Variants in VTCN1 observed in about 807,000 individuals in gnomAD.
The protein encoded by VTCN1 is V-set domain-containing T-cell activation inhibitor 1.
VTCN1 carries 26 observed loss-of-function variants against 26.5 expected under a neutral mutation model. The observed-to-expected ratio is 0.98, with a 90% CI of 0.72 to 1.36. The LOEUF (loss-of-function observed/expected upper bound fraction) is 1.36. Among genes scored for constraint, VTCN1 ranks in the 40% most tolerant of loss-of-function variants. The probability of loss-of-function intolerance (pLI) is 0.00; values close to 1 mark genes in which losing one functional copy is unlikely to be tolerated. For missense variants in VTCN1, 298 were observed against 337.7 expected (o/e 0.88, Z 0.92); for synonymous variants, 116 against 130.7 (o/e 0.89, Z 0.77).
intron 1 of VTCN1, among the ~76,000 whole-genome samples, chr1:117,187,874 G>A (rs1648026131): frequency 6.6e-6 from 1 of 151,676 alleles, no homozygotes; most frequent in African/African-American, 2.4e-5. Flanking sequence ...ATGAAAAAAA[G>A]AAAAGAAAAA....
intron 1 of VTCN1, among the ~76,000 whole-genome samples, chr1:117,204,040 A>G (rs922283306): frequency 3.3e-5 from 5 of 152,202 alleles, no homozygotes; most frequent in Admixed American, 2.0e-4. Context: ...CAAGGACTAG[A>G]AAGACGATGT....
At chr1:117,187,584 A>C (rs1648011375) in intron 1 of VTCN1, among the ~76,000 whole-genome samples, 1 of 152,186 alleles carries the variant, frequency 6.6e-6, no homozygotes, top group Admixed American at 6.5e-5. Context: ...CTGTGTCCTC[A>C]TTATACCAGA....
intron 1 of VTCN1, among the ~76,000 whole-genome samples, chr1:117,206,840 A>G (rs554558616): frequency 2.6e-5 from 4 of 152,178 alleles, no homozygotes; most frequent in Non-Finnish European, 5.9e-5. Flanking sequence ...TCTACCCTCA[A>G]TAGGAGCAGG....
chr1:117,170,086 G>A, intron 2 of VTCN1, 21 bp downstream of exon 2: 2 of 1,607,024 alleles, frequency 1.2e-6, no homozygotes, highest in Admixed American at 1.7e-5. Flanking sequence ...ATAGATTGTA[G>A]TAATGCAAGA....
chr1:117,189,993 T>C (rs1189445016), intron 1 of VTCN1, among the ~76,000 whole-genome samples: 1 of 152,206 alleles, frequency 6.6e-6, no homozygotes, highest in Non-Finnish European at 1.5e-5. Flanking sequence ...TGGATTCAGC[T>C]ACAACCCCAT....
intron 2 of VTCN1, among the ~76,000 whole-genome samples, chr1:117,166,350 C>A (rs967374854): frequency 6.6e-6 from 1 of 152,028 alleles, no homozygotes; most frequent in Non-Finnish European, 1.5e-5. Flanking sequence ...AGCCAGTGAG[C>A]CTTAGGTCCA....
intron 1 of VTCN1, among the ~76,000 whole-genome samples, chr1:117,179,003 C>G (rs1647539123): frequency 6.6e-6 from 1 of 152,164 alleles, no homozygotes; most frequent in Non-Finnish European, 1.5e-5. Flanking sequence ...ACGGGAATCT[C>G]AGGCTAATTT....
intron 1 of VTCN1, among the ~76,000 whole-genome samples, chr1:117,203,325 T>C (rs10754340): frequency 1 from 151,339 of 152,084 alleles, 75,303 homozygotes; most frequent in East Asian, 1. Context: ...GTGGAGGTGC[T>C]GAGAAAACAC....
intron 1 of VTCN1, among the ~76,000 whole-genome samples, chr1:117,204,645 T>TC (rs1648951987): frequency 6.6e-6 from 1 of 151,986 alleles, no homozygotes; most frequent in Non-Finnish European, 1.5e-5. Context: ...GGTGGGTGGA[T>TC]CATGAGGTCA....
Position 117,145,149 on chromosome 1 carries a change from C to A in VTCN1, c.*122G>T, listed in dbSNP as rs1327568156. ...CTTGCTCTTGTTTGCTCACTCCAGA[C>A]TTCTAGATATGAATTCATTTCCTCC... On this transcript the variant is annotated 3_prime_UTR_variant, in exon 6 of 6. Transcript: ENST00000369458. The surrounding 1 kb of genome is among the most constrained non-coding windows in gnomAD (Gnocchi z 4.6). The A allele has an allele frequency of 6.6e-6, 1 of 152,308 alleles. No individual in the cohort carries two copies. Among genetic ancestry groups the A allele is most frequent in the East Asian group, 1.9e-4 (1 of 5,198 alleles). The allele number at this position is 152,308 out of a possible 1,614,324, so 9.4% of individuals were successfully genotyped here. A position where few individuals can be genotyped will look rare whatever the true frequency, so the allele number is the denominator to read the frequency against.
intron 1 of VTCN1, among the ~76,000 whole-genome samples, chr1:117,180,652 G>T (rs934279363): frequency 6.6e-6 from 1 of 152,240 alleles, no homozygotes; most frequent in Non-Finnish European, 1.5e-5. Flanking sequence ...GGTTAAGAGA[G>T]ATTGCAGGGG....
At chr1:117,198,527 C>A (rs1570989304) in intron 1 of VTCN1, among the ~76,000 whole-genome samples, 1 of 152,216 alleles carries the variant, frequency 6.6e-6, no homozygotes. Flanking sequence ...CCAGTGGCTG[C>A]AGAAAAATTA....
rs1457002763 is a variant in VTCN1 at position 117,145,871 on chromosome 1, C to G, written c.*46-646G>C. ...TTGGTTTTAAACTCCTGGGCTCAAG[C>G]AGTCCTCCCATCTTGGCCTCTCAAA... On this transcript the variant is annotated intron_variant, in intron 5 of 5. Coordinates refer to ENST00000369458, the MANE Select transcript of VTCN1 (RefSeq NM_024626.4). This position sits in a 1 kb window ranked among gnomAD's most constrained non-coding sequence, Gnocchi z 4.6. 6.6e-6 allele frequency among the ~76,000 whole-genome samples: 1 copy of G among 152,158 alleles called. No homozygotes were observed. The highest frequency in any genetic ancestry group is 2.4e-5 in the African/African-American group (1 of 41,440).
chr1:117,194,452 A>T (rs1013976688), intron 1 of VTCN1, among the ~76,000 whole-genome samples: 2 of 152,232 alleles, frequency 1.3e-5, no homozygotes, highest in Non-Finnish European at 2.9e-5. Context: ...ATTGTGGAAA[A>T]CAGTATGAAG....
intron 1 of VTCN1, among the ~76,000 whole-genome samples, chr1:117,208,513 G>T (rs1158524889): frequency 6.6e-6 from 1 of 152,162 alleles, no homozygotes; most frequent in African/African-American, 2.4e-5. Flanking sequence ...CAGCATCTTA[G>T]TCACTTTTGC....
At chr1:117,170,053 A>C in intron 2 of VTCN1, 54 bp downstream of exon 2, 2 of 1,516,184 alleles carry the variant, frequency 1.3e-6, no homozygotes, top group Non-Finnish European at 1.8e-6. Context: ...CTGAGTGATT[A>C]GGAGTTTAAT....
chr1:117,197,198 C>T (rs886662168), intron 1 of VTCN1, among the ~76,000 whole-genome samples: 1 of 152,018 alleles, frequency 6.6e-6, no homozygotes, highest in Non-Finnish European at 1.5e-5. Context: ...TCGCTAAGCC[C>T]ATAAAAGTCA....
rs746048769 is a variant in VTCN1 at position 117,159,386 on chromosome 1, C to T, written c.98-2465G>A. Among the ~76,000 whole-genome samples, 35 of 152,228 alleles carry T rather than the reference C, an allele frequency of 2.3e-4. No individual in the cohort carries two copies. Among genetic ancestry groups the T allele is most frequent in the Non-Finnish European group, 4.3e-4 (29 of 68,036 alleles). ...GAGAAAGATGCAAAAGCAGAAACCC[C>T]TGATAAAACCATAAGATCTTGTGAG... On this transcript the variant is annotated intron_variant, in intron 2 of 5. Coordinates refer to ENST00000369458, the MANE Select transcript of VTCN1 (RefSeq NM_024626.4). The surrounding 1 kb of genome is among the most constrained non-coding windows in gnomAD (Gnocchi z 4.7).
rs1028769203 is a variant in VTCN1, at chr1:117,161,025, G to A, written c.98-4104C>T. 6.6e-5 allele frequency among the ~76,000 whole-genome samples: 10 copies of A among 152,292 alleles called. No homozygotes were observed. The highest frequency in any genetic ancestry group is 3.4e-3 in the Middle Eastern group (1 of 294). On this transcript the variant is annotated intron_variant, in intron 2 of 5. Transcript: ENST00000369458. The surrounding 1 kb of genome is among the most constrained non-coding windows in gnomAD (Gnocchi z 4.3). ...AAGGATGTTTTGGAGGCTTGAGAGC[G>A]TGAGAAAAGACACTTTGGAAGCAGC...
Sources: gnomAD v4.1 joint callset for allele counts (sites outside exome capture counted in the v4.1 genomes callset) on GRCh38, gnomAD v4.1.1 for gene constraint, Gnocchi (gnomAD v3.1) non-coding constraint, MANE v1.5 for transcripts, NCBI Gene and HGNC (gene_info 2026-07-23, HGNC 2026-07-21) for gene names.